Variants in MAP3K7CL observed in about 807,000 individuals in gnomAD.
The protein encoded by MAP3K7CL is MAP3K7 C-terminal like.
MAP3K7CL carries 16 observed loss-of-function variants against 18.6 expected under a neutral mutation model. The ratio of observed to expected loss-of-function variants is 0.86; its 90% confidence interval spans 0.58 to 1.31. The LOEUF is 1.31. Among genes scored for constraint, MAP3K7CL ranks in the 50% most tolerant of loss-of-function variants. MAP3K7CL has a pLI of 0.00. For synonymous variants in MAP3K7CL, 65 were observed against 66.8 expected (o/e 0.97, Z 0.13); for missense variants, 163 against 174.4 (o/e 0.93, Z 0.37).
chr21:29,171,869 T>C (rs1726104790), intron 4 of MAP3K7CL, among the ~76,000 whole-genome samples: 1 of 150,004 alleles, frequency 6.7e-6, no homozygotes, highest in African/African-American at 2.5e-5. Context: ...CACCAGTTAC[T>C]AAACTTTCCC....
chr21:29,104,553 T>G (rs1235061617), intron 4 of MAP3K7CL, among the ~76,000 whole-genome samples: 1 of 152,224 alleles, frequency 6.6e-6, no homozygotes, highest in Non-Finnish European at 1.5e-5. Flanking sequence ...GCTGTGAATT[T>G]GAGAACCTCC....
chr21:29,139,641 G>T (rs1244271319), intron 2 of MAP3K7CL, among the ~76,000 whole-genome samples: 1 of 152,100 alleles, frequency 6.6e-6, no homozygotes, highest in East Asian at 1.9e-4. Flanking sequence ...CTGGAGTGCA[G>T]TGGTGTGATC....
In MAP3K7CL at chr21:29,137,267, A is replaced by G. The variant is rs528828536; in HGVS notation, c.70+3853A>G. On this transcript the variant is annotated intron_variant, in intron 2 of 4. Coordinates refer to ENST00000399928, the MANE Select transcript of MAP3K7CL (RefSeq NM_001286620.2). ...TAGGGACTAGTTATGCAGTTAATAG[A>G]TTGTTCATATCCTATTTTACCTCTG... Among the ~76,000 whole-genome samples, 196 of 152,318 alleles carry G rather than the reference A, an allele frequency of 1.3e-3. 3 individuals are homozygous for G. Among genetic ancestry groups the G allele is most frequent in the African/African-American group, 4.6e-3 (193 of 41,572 alleles).
At chr21:29,147,447 G>T (rs533998010) in intron 2 of MAP3K7CL, among the ~76,000 whole-genome samples, 1 of 151,778 alleles carries the variant, frequency 6.6e-6, no homozygotes, top group South Asian at 2.1e-4. Flanking sequence ...TATCTGTATT[G>T]TATCTGTATG....
intron 2 of MAP3K7CL, among the ~76,000 whole-genome samples, chr21:29,136,709 C>T (rs8127221): frequency 0.26 from 40,150 of 151,774 alleles, 6,042 homozygotes; most frequent in Non-Finnish European, 0.34. Flanking sequence ...TTAGTAGAGA[C>T]GGGGTTTCAC....
Position 29,091,745 on chromosome 21 carries a change from A to T in MAP3K7CL, c.211A>T (p.Lys71Ter). 1.4e-6 allele frequency: 1 copy of T among 702,348 alleles called. No individual in the cohort carries two copies. 43.5% of individuals were successfully genotyped at this position (702,348 alleles called of 1,614,324 possible). ...CAGTCCTCCTGCTTTTGGCTTCTTG[A>T]AGTGCTTGGATTACAGGTATGAACT... The change falls in exon 3 of 7, where the codon AAG becomes TAG. Residue 71 changes from lysine (K) to a stop codon, truncating the protein, a stop_gained. Coordinates refer to the MAP3K7CL transcript ENST00000286791. LOFTEE classifies it high-confidence loss of function.
Position 29,133,335 on chromosome 21 carries a change from A to C in MAP3K7CL, c.-10A>C, listed in dbSNP as rs144215345. 1 of 1,550,394 alleles carries C rather than the reference A, an allele frequency of 6.4e-7. No individual in the cohort carries two copies. The highest frequency in any genetic ancestry group is 2.4e-5 in the East Asian group (1 of 40,914). Reference sequence around the variant, plus strand: ...AAGACCCAGGAGAAGGCGGAGGCTCAGGTGCCCACATGATCAGCACAGCCA... The same window carrying C: ...AAGACCCAGGAGAAGGCGGAGGCTCCGGTGCCCACATGATCAGCACAGCCA... On this transcript the variant is annotated 5_prime_UTR_variant, in exon 2 of 5. Transcript: ENST00000399928.
At chr21:29,092,999 G>A (rs1258499241) in intron 4 of MAP3K7CL, among the ~76,000 whole-genome samples, 1 of 152,202 alleles carries the variant, frequency 6.6e-6, no homozygotes, top group African/African-American at 2.4e-5. Context: ...CACCTCCTGG[G>A]TTCAAGCGAT....
Position 29,174,893 on chromosome 21 carries a change from CTT to C in MAP3K7CL, c.*3_*4del. 6.2e-7 allele frequency: 1 copy of C among 1,613,284 alleles called. No individual in the cohort carries two copies. The highest frequency in any genetic ancestry group is 1.1e-5 in the South Asian group (1 of 90,982). On this transcript the variant is annotated 3_prime_UTR_variant, in exon 5 of 5. Coordinates refer to ENST00000399928, the MANE Select transcript of MAP3K7CL (RefSeq NM_001286620.2). ...TCAGAAGAGGCAGGGCTCGTCCTAA[CTT>C]TAAATTTTTCAGTGTGAGCATACGA...
chr21:29,168,538 G>C (rs2087747749), intron 4 of MAP3K7CL, among the ~76,000 whole-genome samples: 1 of 152,136 alleles, frequency 6.6e-6, no homozygotes, highest in Non-Finnish European at 1.5e-5. Context: ...ATGCCATCAG[G>C]CTGTGAGTTT....
upstream of MAP3K7CL, among the ~76,000 whole-genome samples, chr21:29,129,456 T>C (rs1568951510): frequency 1.3e-5 from 2 of 152,372 alleles, no homozygotes; most frequent in South Asian, 2.1e-4. Context: ...TTTCAAGATT[T>C]AGCTTCTTTC....
chr21:29,090,473 T>C (rs2086005388), intron 1 of MAP3K7CL, among the ~76,000 whole-genome samples: 1 of 152,004 alleles, frequency 6.6e-6, no homozygotes, highest in Non-Finnish European at 1.5e-5. Flanking sequence ...CTCCGCCTCC[T>C]GGGTTCACGC....
intron 2 of MAP3K7CL, among the ~76,000 whole-genome samples, chr21:29,147,375 T>G (rs1173170945): frequency 6.6e-6 from 1 of 151,986 alleles, no homozygotes; most frequent in Non-Finnish European, 1.5e-5. Flanking sequence ...GTATGTACTG[T>G]ATATGTATAT....
At chr21:29,172,214 A>G (rs1051825943) in intron 4 of MAP3K7CL, among the ~76,000 whole-genome samples, 1 of 149,718 alleles carries the variant, frequency 6.7e-6, no homozygotes, top group African/African-American at 2.5e-5. Flanking sequence ...TCAGTTCAGA[A>G]TAGCACATTG....
chr21:29,169,857 A>G (rs1831019466), intron 4 of MAP3K7CL, among the ~76,000 whole-genome samples: 1 of 152,184 alleles, frequency 6.6e-6, no homozygotes, highest in Admixed American at 6.5e-5. Context: ...GTGGCTTAGG[A>G]TGGAGGCAAC....
intron 4 of MAP3K7CL, chr21:29,108,968 A>G (rs1041614509): frequency 1.6e-5 from 21 of 1,317,668 alleles, no homozygotes; most frequent in East Asian, 1.5e-4. Context: ...TTGAAGGTCA[A>G]CTTGAATCTG....
chr21:29,160,115 G>A (rs915704076), intron 4 of MAP3K7CL, 59 bp downstream of exon 4: 7 of 1,384,072 alleles, frequency 5.1e-6, no homozygotes, highest in Non-Finnish European at 7.2e-6. Flanking sequence ...AAGGACCAGG[G>A]GCAATGGGCA....
At chr21:29,160,699 A>G (rs2087525680) in intron 4 of MAP3K7CL, among the ~76,000 whole-genome samples, 1 of 152,132 alleles carries the variant, frequency 6.6e-6, no homozygotes, top group Non-Finnish European at 1.5e-5. Context: ...CCTTTCCTTC[A>G]CAGTACTAGC....
intron 4 of MAP3K7CL, among the ~76,000 whole-genome samples, chr21:29,096,067 G>A (rs370679488): frequency 6.4e-4 from 97 of 152,294 alleles, no homozygotes; most frequent in African/African-American, 2.3e-3. Flanking sequence ...AAGTAGGCTG[G>A]ATTAGGAGTT....
Sources: gnomAD v4.1 joint callset for allele counts (sites outside exome capture counted in the v4.1 genomes callset) on GRCh38, gnomAD v4.1.1 for gene constraint, MANE v1.5 for transcripts, NCBI Gene and HGNC (gene_info 2026-07-23, HGNC 2026-07-21) for gene names.